SORCS2: variants seen among roughly 807,000 people sequenced by gnomAD.
SORCS2 encodes sortilin related VPS10 domain containing receptor 2.
SORCS2 carries 100 observed loss-of-function variants against 141.6 expected under a neutral mutation model. The observed-to-expected ratio is 0.71, with a 90% CI of 0.60 to 0.83. The LOEUF is 0.83. SORCS2 is among the 40% of genes least tolerant of loss of function. The probability of loss-of-function intolerance (pLI) is 0.00; values close to 1 mark genes in which losing one functional copy is unlikely to be tolerated. For synonymous variants in SORCS2, 789 were observed against 676.9 expected (o/e 1.17, Z -2.57); for missense variants, 1,646 against 1,560.2 (o/e 1.05, Z -0.93).
In SORCS2 at chr4:7,386,413, G is replaced by A. The variant is rs369703075; in HGVS notation, c.481-9875G>A. On this transcript the variant is annotated intron_variant, in intron 1 of 26. Transcript: ENST00000507866. ...CATGGACATACACATATGTACACAC[G>A]CACACATGCACACACATACAGGTAC... Among the ~76,000 whole-genome samples the A allele has an allele frequency of 1.3e-3, 97 of 75,032 alleles. 4 individuals carry two copies. The highest frequency in any genetic ancestry group is 4.7e-3 in the African/African-American group (80 of 16,968). The allele number at this position is 75,032 out of a possible 152,430, so 49.2% of individuals were successfully genotyped here.
At chr4:7,337,026 A>G (rs1213909788) in intron 1 of SORCS2, among the ~76,000 whole-genome samples, 1 of 152,198 alleles carries the variant, frequency 6.6e-6, no homozygotes, top group African/African-American at 2.4e-5. Flanking sequence ...GGAATCACAC[A>G]CAATCGTGGC....
chr4:7,303,375 C>G (rs781509533), intron 1 of SORCS2, among the ~76,000 whole-genome samples: 11 of 152,176 alleles, frequency 7.2e-5, no homozygotes, highest in African/African-American at 9.7e-5. Flanking sequence ...TTATGCGTTT[C>G]CAGTCCTCCC....
At chr4:7,638,532 G>A in intron 4 of SORCS2, 40 bp downstream of exon 4, 1 of 1,578,470 alleles carries the variant, frequency 6.3e-7, no homozygotes, top group Non-Finnish European at 8.6e-7. Context: ...CTGTGGGGCT[G>A]GGGTCTGCTC....
At chr4:7,424,142 T>A (rs1726268994) in intron 2 of SORCS2, among the ~76,000 whole-genome samples, 1 of 152,142 alleles carries the variant, frequency 6.6e-6, no homozygotes, top group Admixed American at 6.5e-5. Context: ...TTCCTGGCCA[T>A]GTGTGAAAAG....
At chr4:7,584,994 C>G (rs1230064329) in intron 3 of SORCS2, among the ~76,000 whole-genome samples, 1 of 152,160 alleles carries the variant, frequency 6.6e-6, no homozygotes, top group East Asian at 1.9e-4. Context: ...CCCGGCGTGA[C>G]TGCATTTCTC....
At chr4:7,434,330 A>C in intron 2 of SORCS2, 1 of 1,610,918 alleles carries the variant, frequency 6.2e-7, no homozygotes, top group East Asian at 2.2e-5. Flanking sequence ...CAGTCTTGGC[A>C]CAGAGCTCCT....
intron 3 of SORCS2, among the ~76,000 whole-genome samples, chr4:7,590,742 A>G (rs1174351981): frequency 6.6e-6 from 1 of 152,190 alleles, no homozygotes; most frequent in East Asian, 1.9e-4. Flanking sequence ...CATGAAGTTC[A>G]GGTGTGAGCC....
At chr4:7,573,815 T>C (rs770447175) in intron 3 of SORCS2, among the ~76,000 whole-genome samples, 2 of 152,114 alleles carry the variant, frequency 1.3e-5, no homozygotes, top group Non-Finnish European at 2.9e-5. Context: ...GTGGACCCTG[T>C]GGCTTCAGTC....
chr4:7,546,025 T>C (rs1251887819), intron 3 of SORCS2, among the ~76,000 whole-genome samples: 1 of 151,942 alleles, frequency 6.6e-6, no homozygotes, highest in African/African-American at 2.4e-5. Context: ...TGGCCTCTTC[T>C]TACCAGGGCA....
At chr4:7,234,937 G>C (rs1474893309) in intron 1 of SORCS2, among the ~76,000 whole-genome samples, 1 of 152,080 alleles carries the variant, frequency 6.6e-6, no homozygotes, top group East Asian at 1.9e-4. Flanking sequence ...GAGGAGACAG[G>C]GGCTAGGCTG....
intron 2 of SORCS2, among the ~76,000 whole-genome samples, chr4:7,499,739 C>G (rs972773267): frequency 1.6e-5 from 2 of 127,542 alleles, no homozygotes; most frequent in African/African-American, 3.0e-5. Flanking sequence ...CCTCGCTCCT[C>G]AAACGCTGGC....
In SORCS2 at chr4:7,737,133, C is replaced by T. The variant is rs1043772731; in HGVS notation, c.3376C>T (p.Pro1126Ser). 1.9e-5 allele frequency: 30 copies of T among 1,551,270 alleles called. No individual in the cohort carries two copies. The highest frequency in any genetic ancestry group is 4.9e-5 in the East Asian group (2 of 40,902). ...CGAGAAGGAGCAGGAGATGACCAGC[C>T]CTGTGAGTCACAGTGAGGACGTCCA... ...HNEKEQEMTS[P>S]VSHSEDVQGA... The change falls in exon 26 of 27, where the codon CCT (proline) becomes TCT (serine). Residue 1126 changes from proline to serine, a missense_variant. Pro to Ser is a moderately conservative substitution (Grantham distance 74). Coordinates refer to ENST00000507866, the MANE Select transcript of SORCS2 (RefSeq NM_020777.3).
At chr4:7,332,544 C>T (rs1185946274) in intron 1 of SORCS2, among the ~76,000 whole-genome samples, 5 of 152,226 alleles carry the variant, frequency 3.3e-5, no homozygotes, top group Non-Finnish European at 5.9e-5. Context: ...CAACACTCTC[C>T]GGGCTGGGCA....
At chr4:7,355,035 C>T (rs1011592445) in intron 1 of SORCS2, among the ~76,000 whole-genome samples, 4 of 152,098 alleles carry the variant, frequency 2.6e-5, no homozygotes, top group African/African-American at 7.2e-5. Context: ...AAAAACACCC[C>T]ACATTTTACT....
chr4:7,731,701 A>C (rs1392964686), intron 23 of SORCS2, among the ~76,000 whole-genome samples: 1 of 152,220 alleles, frequency 6.6e-6, no homozygotes, highest in East Asian at 1.9e-4. Flanking sequence ...TGTCAAGAAG[A>C]CACAATGGAG....
intron 17 of SORCS2, 25 bp downstream of exon 17, chr4:7,715,336 C>T (rs202245939): frequency 6.2e-7 from 1 of 1,611,490 alleles, no homozygotes; most frequent in African/African-American, 1.3e-5. Flanking sequence ...GGGCCTCTCC[C>T]TGCCTAAATC....
At chr4:7,686,478 C>T (rs1428545818) in intron 10 of SORCS2, among the ~76,000 whole-genome samples, 1 of 152,172 alleles carries the variant, frequency 6.6e-6, no homozygotes, top group Non-Finnish European at 1.5e-5. Flanking sequence ...CAGTGTGAGT[C>T]CCCAGCTTGG....
intron 1 of SORCS2, among the ~76,000 whole-genome samples, chr4:7,229,532 G>A (rs1025450504): frequency 1.2e-4 from 19 of 152,220 alleles, no homozygotes; most frequent in Admixed American, 1.0e-3. Context: ...AGCACAGATC[G>A]TCTGAATTTC....
At chr4:7,650,226 C>G (rs1032858474) in intron 4 of SORCS2, among the ~76,000 whole-genome samples, 1 of 152,244 alleles carries the variant, frequency 6.6e-6, no homozygotes, top group Non-Finnish European at 1.5e-5. Flanking sequence ...CATCTTCCGT[C>G]TGCACGAGGT....
Sources: allele counts gnomAD v4.1 joint callset (sites outside exome capture counted in the v4.1 genomes callset), GRCh38; gene constraint gnomAD v4.1.1; transcripts MANE v1.5; gene names NCBI Gene and HGNC (gene_info 2026-07-23, HGNC 2026-07-21).